The following RUNX1T1 variants were observed in gnomAD, a reference collection of about 807,000 sequenced individuals.
RUNX1T1 encodes protein CBFA2T1.
A neutral mutation model predicts 62.8 loss-of-function variants in RUNX1T1; 4 were observed. The observed-to-expected ratio is 0.06, with a 90% CI of 0.03 to 0.15. RUNX1T1 has a LOEUF of 0.15. RUNX1T1 is among the 10% of genes least tolerant of loss of function. The pLI is 1.00. For synonymous variants in RUNX1T1, 291 were observed against 286.0 expected, an observed-to-expected ratio of 1.02 and a Z score of -0.18; for missense variants, 508 against 754.3, an observed-to-expected ratio of 0.67 and a Z score of 3.82.
intron 5 of RUNX1T1, among the ~76,000 whole-genome samples, chr8:92,003,774 G>A (rs571253088): frequency 1.3e-4 from 20 of 152,186 alleles, no homozygotes; most frequent in Non-Finnish European, 2.5e-4. Context: ...GGATTAAGCA[G>A]TTCCCTTTAA....
intron 1 of RUNX1T1, among the ~76,000 whole-genome samples, chr8:92,044,412 G>T (rs1829019570): frequency 6.6e-6 from 1 of 152,162 alleles, no homozygotes; most frequent in Admixed American, 6.5e-5. Context: ...TTCCAGACTT[G>T]GAGGTGCATC....
chr8:92,086,841 C>T (rs1370829922), intron 1 of RUNX1T1, among the ~76,000 whole-genome samples: 1 of 152,186 alleles, frequency 6.6e-6, no homozygotes, highest in African/African-American at 2.4e-5. Context: ...TCCTTCTCAT[C>T]CCACAAACCC....
At chr8:91,991,555 A>G in intron 6 of RUNX1T1, 84 bp downstream of exon 7, 1 of 1,403,630 alleles carries the variant, frequency 7.1e-7, no homozygotes, top group Non-Finnish European at 9.8e-7. Flanking sequence ...CACAGATTTC[A>G]AGCCTCAAGT....
At chr8:92,001,149 G>A (rs1586921328) in intron 5 of RUNX1T1, among the ~76,000 whole-genome samples, 1 of 151,792 alleles carries the variant, frequency 6.6e-6, no homozygotes, top group African/African-American at 2.4e-5. Flanking sequence ...AACATAGCGA[G>A]ACACTGTCTT....
intron 5 of RUNX1T1, 72 bp from the exon 7 acceptor site, chr8:91,991,961 T>G: frequency 6.6e-7 from 1 of 1,512,160 alleles, no homozygotes; most frequent in Middle Eastern, 1.7e-4. Flanking sequence ...CACTCATATT[T>G]GAGCTTGGAA....
intron 1 of RUNX1T1, among the ~76,000 whole-genome samples, chr8:92,031,482 GTTTA>G (rs34816194): frequency 0.23 from 35,099 of 151,922 alleles, 4,231 homozygotes; most frequent in African/African-American, 0.3. Flanking sequence ...ATGTGTGTTT[GTTTA>G]TTTGAGACAG....
At chr8:92,033,787 T>C (rs975221574) in intron 1 of RUNX1T1, among the ~76,000 whole-genome samples, 5 of 152,016 alleles carry the variant, frequency 3.3e-5, no homozygotes, top group South Asian at 2.1e-4. Flanking sequence ...CTGGCCAATA[T>C]GGTGAAACCC....
upstream of RUNX1T1, among the ~76,000 whole-genome samples, chr8:92,066,622 T>C (rs1186992966): frequency 6.6e-6 from 1 of 152,124 alleles, no homozygotes; most frequent in Non-Finnish European, 1.5e-5. Context: ...ATTAAATAGA[T>C]ACAACACCTA....
At chr8:91,956,774 C>T (rs1167153489), downstream of RUNX1T1, 1 of 219,062 alleles carries the variant, frequency 4.6e-6, no homozygotes, top group East Asian at 6.7e-5. Context: ...TTCACAATGT[C>T]GCAGAACCCA....
At chr8:92,092,851 T>A (rs1351989638) in intron 1 of RUNX1T1, among the ~76,000 whole-genome samples, 2 of 151,428 alleles carry the variant, frequency 1.3e-5, no homozygotes, top group East Asian at 3.9e-4. Flanking sequence ...AATAGAAAAT[T>A]TTTTTTTTAT....
downstream of RUNX1T1, chr8:91,958,406 T>G (rs1307686319): frequency 1.5e-5 from 3 of 196,678 alleles, no homozygotes; most frequent in African/African-American, 6.9e-5. Flanking sequence ...TTTTGGTCCA[T>G]CAGATCAGTC....
exon 11 of RUNX1T1, chr8:91,959,475 CGTGTGTGT>C (rs375805701): frequency 3.0e-5 from 1 of 33,852 alleles, no homozygotes; most frequent in African/African-American, 1.0e-4. Flanking sequence ...TGTATATGTG[CGTGTGTGT>C]GTGTGTATAT....
chr8:91,960,259 C>T (rs754078185), exon 11 of RUNX1T1: 1 of 1,609,486 alleles, frequency 6.2e-7, no homozygotes, highest in Non-Finnish European at 8.5e-7. Context: ...GGGGTTGTCT[C>T]TATGGTGGAA....
At chr8:92,020,929 G>C (rs752000928) in intron 1 of RUNX1T1, among the ~76,000 whole-genome samples, 4 of 151,246 alleles carry the variant, frequency 2.6e-5, no homozygotes, top group Non-Finnish European at 4.4e-5. Context: ...TGTTTCTAAG[G>C]TACAAAAAGT....
At chr8:92,085,029 C>G (rs373611396) in intron 1 of RUNX1T1, among the ~76,000 whole-genome samples, 1 of 152,224 alleles carries the variant, frequency 6.6e-6, no homozygotes, top group African/African-American at 2.4e-5. Flanking sequence ...GAAGGTTGTG[C>G]TTCACACATA....
chr8:91,998,151 G>A (rs997905160), intron 5 of RUNX1T1, among the ~76,000 whole-genome samples: 1 of 152,104 alleles, frequency 6.6e-6, no homozygotes, highest in Admixed American at 6.5e-5. Context: ...TTCAGCAAAA[G>A]ATCTCTTCAG....
chr8:91,976,069 C>G, intron 8 of RUNX1T1, 96 bp from the exon 10 acceptor site: 1 of 827,762 alleles, frequency 1.2e-6, no homozygotes, highest in South Asian at 1.5e-5. Flanking sequence ...TGCCCATTCT[C>G]CTGGCTTCTC....
intron 5 of RUNX1T1, among the ~76,000 whole-genome samples, chr8:91,995,078 C>T (rs1206254109): frequency 6.6e-6 from 1 of 152,156 alleles, no homozygotes; most frequent in African/African-American, 2.4e-5. Context: ...AAAATATCCT[C>T]TTATCTTAGG....
intron 1 of RUNX1T1, among the ~76,000 whole-genome samples, chr8:92,044,825 C>A (rs1829104474): frequency 6.6e-6 from 1 of 152,084 alleles, no homozygotes; most frequent in Non-Finnish European, 1.5e-5. Context: ...ACTGCAAAGT[C>A]CAACTTCTTA....
Sources: gnomAD v4.1 joint callset for allele counts (sites outside exome capture counted in the v4.1 genomes callset) on GRCh38, gnomAD v4.1.1 for gene constraint, MANE v1.5 for transcripts, NCBI Gene and HGNC (gene_info 2026-07-23, HGNC 2026-07-21) for gene names.